The following SCIMP variants were observed in gnomAD, a reference collection of about 807,000 sequenced individuals.
SCIMP encodes SLP adaptor and CSK interacting membrane protein.
A neutral mutation model predicts 22.0 loss-of-function variants in SCIMP; 18 were observed. That is an observed-to-expected ratio of 0.82 (90% CI 0.56 to 1.21). The LOEUF (loss-of-function observed/expected upper bound fraction) is 1.21. Ranked by LOEUF, SCIMP falls within the 50% of genes most tolerant of loss-of-function variation. The pLI is 0.00. For missense variants in SCIMP, 155 were observed against 171.2 expected (o/e 0.91, Z 0.53); for synonymous variants, 53 against 62.2 (o/e 0.85, Z 0.70).
chr17:5,215,010 G>A lies in SCIMP; in HGVS notation c.210-12C>T, dbSNP rs1353807349. ...CATTAAGAACATTCCTAGAGAGAGA[G>A]AAAGAGAGAGAATCAGTGTTTGGTT... On this transcript the variant is annotated splice_polypyrimidine_tract_variant and intron_variant, in intron 3 of 4. Coordinates refer to ENST00000574081, the MANE Select transcript of SCIMP (RefSeq NM_207103.3). The A allele has an allele frequency of 6.4e-7, 1 of 1,571,886 alleles. No homozygotes were observed. Among genetic ancestry groups the A allele is most frequent in the Admixed American group, 1.7e-5 (1 of 59,806 alleles).
At chr17:5,227,607 G>C (rs1282207870) in intron 1 of SCIMP, among the ~76,000 whole-genome samples, 1 of 152,194 alleles carries the variant, frequency 6.6e-6, no homozygotes, top group Admixed American at 6.5e-5. Flanking sequence ...GAAGTTGAGA[G>C]CTCACACCTA....
chr17:5,220,076 C>T (rs1437042831), intron 3 of SCIMP, among the ~76,000 whole-genome samples: 2 of 152,142 alleles, frequency 1.3e-5, no homozygotes, highest in Non-Finnish European at 2.9e-5. Flanking sequence ...AGTGAATTCT[C>T]AAGCCTAAGA....
intron 1 of SCIMP, among the ~76,000 whole-genome samples, chr17:5,227,323 A>ACACACACACACG (rs776010245): frequency 6.7e-6 from 1 of 148,556 alleles, no homozygotes; most frequent in African/African-American, 2.5e-5. Flanking sequence ...ACACACACAC[A>ACACACACACACG]CTCTTACACT....
intron 3 of SCIMP, among the ~76,000 whole-genome samples, chr17:5,217,863 C>T (rs961924891): frequency 5.3e-5 from 8 of 152,084 alleles, no homozygotes; most frequent in South Asian, 2.1e-4. Context: ...AATAGTGCTG[C>T]TATAAACATA....
At chr17:5,228,930 G>A (rs2074672835) in intron 1 of SCIMP, among the ~76,000 whole-genome samples, 1 of 152,150 alleles carries the variant, frequency 6.6e-6, no homozygotes, top group Non-Finnish European at 1.5e-5. Context: ...CCTCCCACCC[G>A]AGAATGCAGG....
chr17:5,218,792 A>T (rs557995216), intron 3 of SCIMP, among the ~76,000 whole-genome samples: 1 of 152,186 alleles, frequency 6.6e-6, no homozygotes, highest in South Asian at 2.1e-4. Flanking sequence ...AAAAGCAGAG[A>T]TTTAAAAATG....
intron 2 of SCIMP, among the ~76,000 whole-genome samples, chr17:5,222,268 T>G (rs2074614204): frequency 6.6e-6 from 1 of 151,508 alleles, no homozygotes; most frequent in Admixed American, 6.6e-5. Flanking sequence ...TTTTTTTGTA[T>G]TTTAAGTAGA....
At position 5,215,030 on chromosome 17, in the gene SCIMP, T is replaced by G; in HGVS notation, c.210-32A>C. 3 of 1,453,686 alleles carry G rather than the reference T, an allele frequency of 2.1e-6. 1 individual carries two copies. The highest frequency in any genetic ancestry group is 2.3e-5 in the South Asian group (2 of 87,588). The allele number at this position is 1,453,686 out of a possible 1,614,324, so 90.0% of individuals were successfully genotyped here. ...AGAGAGAAAGAGAGAGAATCAGTGT[T>G]TGGTTTGGGCCATGCCTGCTCCCAG... is the stretch of plus-strand genomic sequence containing the variant. On this transcript the variant is annotated intron_variant, in intron 3 of 4. Coordinates refer to ENST00000574081, the MANE Select transcript of SCIMP (RefSeq NM_207103.3).
At chr17:5,220,087 G>T (rs2074594671) in intron 3 of SCIMP, among the ~76,000 whole-genome samples, 1 of 152,160 alleles carries the variant, frequency 6.6e-6, no homozygotes, top group Non-Finnish European at 1.5e-5. Flanking sequence ...AAGCCTAAGA[G>T]TGGCCTTGGA....
At chr17:5,216,775 C>G (rs2074568684) in intron 3 of SCIMP, among the ~76,000 whole-genome samples, 1 of 152,188 alleles carries the variant, frequency 6.6e-6, no homozygotes, top group Non-Finnish European at 1.5e-5. Flanking sequence ...AAGTCAGCCT[C>G]TGAAGTGCTG....
intron 1 of SCIMP, among the ~76,000 whole-genome samples, chr17:5,234,426 T>A (rs2144358658): frequency 6.6e-6 from 1 of 151,100 alleles, no homozygotes; most frequent in East Asian, 2.0e-4. Flanking sequence ...TTGAGACCTC[T>A]CACTCCCGGT....
At chr17:5,214,033 C>T (rs899631159) in intron 4 of SCIMP, 1 of 152,202 alleles carries the variant, frequency 6.6e-6, no homozygotes, top group Non-Finnish European at 1.5e-5. Context: ...ATCTGACTCC[C>T]TGATGCTCTT....
Position 5,210,711 on chromosome 17 carries a change from G to C in SCIMP, c.*90C>G. On this transcript the variant is annotated 3_prime_UTR_variant, in exon 5 of 5. Coordinates refer to ENST00000574081, the MANE Select transcript of SCIMP (RefSeq NM_207103.3). ...AATCACCACTGGCTTTCAGGGCCCA[G>C]AGACCTACTGAAGTTCAACCATTCT... 2.0e-6 allele frequency: 3 copies of C among 1,508,254 alleles called. No individual in the cohort carries two copies. The highest frequency in any genetic ancestry group is 2.2e-5 in the Admixed American group (1 of 45,260). 93.4% of individuals were successfully genotyped at this position (1,508,254 alleles called of 1,614,324 possible).
intron 3 of SCIMP, among the ~76,000 whole-genome samples, chr17:5,220,330 C>T (rs775371915): frequency 3.8e-4 from 58 of 151,052 alleles, no homozygotes; most frequent in Non-Finnish European, 3.2e-4. Context: ...CTTGTAATCC[C>T]GGCTACTTGG....
At position 5,210,807 on chromosome 17, in the gene SCIMP, T is replaced by C; in HGVS notation, c.432A>G (p.Ser144=). 2 of 1,604,884 alleles carry C rather than the reference T, an allele frequency of 1.2e-6. No homozygotes were observed. The highest frequency in any genetic ancestry group is 1.8e-5 in the Admixed American group (1 of 57,068). The stretch of plus-strand genomic sequence containing the variant: ...AAAAGAAGAAATGGCTGTTTCAAAA[T>C]GATGCTTTTTCAGTATTTGCAGGGA... ...VEIPANTEKA[S]F The change falls in exon 5 of 5, where the codon TCA becomes TCG. Residue 144 remains serine (S), a synonymous_variant. Coordinates refer to ENST00000574081, the MANE Select transcript of SCIMP (RefSeq NM_207103.3).
In SCIMP at chr17:5,210,791, A is replaced by C. The variant is rs2074520579; in HGVS notation, c.*10T>G. On this transcript the variant is annotated 3_prime_UTR_variant, in exon 5 of 5. Transcript: ENST00000574081. ...CTCTTCAGTTTTGCCAAAAAGAAGA[A>C]ATGGCTGTTTCAAAATGATGCTTTT... 6.2e-7 allele frequency: 1 copy of C among 1,602,662 alleles called. No individual in the cohort carries two copies. Among genetic ancestry groups the C allele is most frequent in the African/African-American group, 1.3e-5 (1 of 74,170 alleles).
In SCIMP at chr17:5,209,121, G is replaced by C. The variant is rs1026678314; in HGVS notation, c.*1680C>G. On this transcript the variant is annotated 3_prime_UTR_variant, in exon 5 of 5. Coordinates refer to ENST00000574081, the MANE Select transcript of SCIMP (RefSeq NM_207103.3). ...GATAACTACTGGCCTAACATAAGGA[G>C]GGTTTATTTATTTATTTATTTATTT... 6.6e-6 allele frequency: 1 copy of C among 151,784 alleles called. No homozygotes were observed. The highest frequency in any genetic ancestry group is 2.1e-4 in the South Asian group (1 of 4,810). 9.4% of individuals were successfully genotyped at this position (151,784 alleles called of 1,614,324 possible). A position where few individuals can be genotyped will look rare whatever the true frequency, so the allele number is the denominator to read the frequency against.
intron 2 of SCIMP, 42 bp downstream of exon 2, chr17:5,223,291 C>T (rs1248005149): frequency 6.2e-7 from 1 of 1,610,618 alleles, no homozygotes; most frequent in African/African-American, 1.3e-5. Flanking sequence ...CCGATAACCA[C>T]CTGGCTCCTC....
intron 1 of SCIMP, among the ~76,000 whole-genome samples, chr17:5,231,474 C>T (rs1352979004): frequency 3.3e-5 from 5 of 152,178 alleles, no homozygotes; most frequent in Non-Finnish European, 7.4e-5. Context: ...TGTGAGTGTC[C>T]AGTAGGTGAC....
Sources: allele counts gnomAD v4.1 joint callset (sites outside exome capture counted in the v4.1 genomes callset), GRCh38; gene constraint gnomAD v4.1.1; transcripts MANE v1.5; gene names NCBI Gene and HGNC (gene_info 2026-07-23, HGNC 2026-07-21).